The following SLC6A11 variants were observed in gnomAD, a reference collection of about 807,000 sequenced individuals.
The protein encoded by SLC6A11 is sodium- and chloride-dependent GABA transporter 3.
SLC6A11 carries 25 observed loss-of-function variants against 74.8 expected under a neutral mutation model. The ratio of observed to expected loss-of-function variants is 0.33; its 90% CI spans 0.24 to 0.47. SLC6A11 has a LOEUF of 0.47. Ranked by LOEUF, SLC6A11 falls within the 20% of genes least tolerant of loss-of-function variation. The pLI, the probability that SLC6A11 is intolerant of heterozygous loss-of-function variation, is 1.00. For synonymous variants in SLC6A11, 330 were observed against 330.2 expected, an observed-to-expected ratio of 1.00 and a Z score of 0.01; for missense variants, 574 against 837.0, an observed-to-expected ratio of 0.69 and a Z score of 3.88.
At chr3:10,917,375 C>T (rs746286714) in intron 7 of SLC6A11, among the ~76,000 whole-genome samples, 1 of 152,176 alleles carries the variant, frequency 6.6e-6, no homozygotes, top group Non-Finnish European at 1.5e-5. Context: ...AGAGGTCAGC[C>T]GGCCACCCGC....
chr3:10,826,215 A>G (rs998338984), intron 4 of SLC6A11, among the ~76,000 whole-genome samples: 10 of 152,226 alleles, frequency 6.6e-5, no homozygotes, highest in African/African-American at 2.4e-4. Context: ...AATGTGGTCT[A>G]CAGAGTAGCA....
chr3:10,892,888 C>T (rs1046932373), intron 6 of SLC6A11, among the ~76,000 whole-genome samples: 5 of 152,106 alleles, frequency 3.3e-5, no homozygotes, highest in South Asian at 2.1e-4. Context: ...GTGGGGGAAA[C>T]GGGTTGGGTG....
At chr3:10,902,972 G>A (rs1166674058) in intron 6 of SLC6A11, among the ~76,000 whole-genome samples, 3 of 150,910 alleles carry the variant, frequency 2.0e-5, no homozygotes, top group East Asian at 2.0e-4. Context: ...CCGTGTGGAC[G>A]AGGTGAGTTT....
At position 10,905,819 on chromosome 3, in the gene SLC6A11, C is replaced by T. The variant is rs573737601; in HGVS notation, c.892-6271C>T. 8.5e-5 allele frequency among the ~76,000 whole-genome samples: 13 copies of T among 152,324 alleles called. No homozygotes were observed. In the South Asian group the frequency reaches 2.3e-3, roughly 27 times the overall value. ...AAATCTAATCCTGTACATTCTCAGGCTCTGCTATGCCCAAATGAGCATGTG... is the reference window on the plus strand; with the variant it reads ...AAATCTAATCCTGTACATTCTCAGGTTCTGCTATGCCCAAATGAGCATGTG... On this transcript the variant is annotated intron_variant, in intron 6 of 13. Coordinates refer to ENST00000254488, the MANE Select transcript of SLC6A11 (RefSeq NM_014229.3).
rs756172006 is a variant in SLC6A11, at chr3:10,935,121, C to T, written c.1668C>T (p.Leu556=). ...YPAWGYGIGW[L]MALSSMLCIP... Reference sequence around the variant, plus strand: ...CCTGGGGCTATGGCATTGGCTGGCTCATGGCCCTGTCCTCCATGCTCTGCA... The same window carrying T: ...CCTGGGGCTATGGCATTGGCTGGCTTATGGCCCTGTCCTCCATGCTCTGCA... Residue 556 remains leucine, a synonymous_variant, in exon 13 of 14, where the codon CTC becomes CTT. Transcript: ENST00000254488. The T allele has an allele frequency of 6.2e-7, 1 of 1,614,194 alleles. No individual in the cohort carries two copies. The highest frequency in any genetic ancestry group is 1.7e-5 in the Admixed American group (1 of 60,030).
At chr3:10,840,899 A>G (rs773546097) in intron 4 of SLC6A11, among the ~76,000 whole-genome samples, 9 of 152,186 alleles carry the variant, frequency 5.9e-5, no homozygotes, top group African/African-American at 9.6e-5. Context: ...TCATACTTGA[A>G]AAGCCATTGA....
rs933598691 is a variant in SLC6A11 at position 10,918,507 on chromosome 3, T to C, written c.1120+54T>C. 1.9e-6 allele frequency: 3 copies of C among 1,558,458 alleles called. No individual in the cohort carries two copies. The highest frequency in any genetic ancestry group is 4.1e-5 in the Admixed American group (2 of 48,662). On this transcript the variant is annotated intron_variant, in intron 8 of 13. Coordinates refer to ENST00000254488, the MANE Select transcript of SLC6A11 (RefSeq NM_014229.3). The surrounding 1 kb of genome is among the most constrained non-coding windows in gnomAD (Gnocchi z 4.5). ...AGGCGGCAAGGGAGGCCAGGAGTGA[T>C]GGTCATCATGGAAATGCGATCTTCC...
At chr3:10,906,676 C>T (rs1181962605) in intron 6 of SLC6A11, among the ~76,000 whole-genome samples, 5 of 152,110 alleles carry the variant, frequency 3.3e-5, no homozygotes, top group African/African-American at 4.8e-5. Flanking sequence ...TACGCACTAA[C>T]CAGTTGAGGC....
chr3:10,893,742 C>T (rs1695136639), intron 6 of SLC6A11, among the ~76,000 whole-genome samples: 1 of 152,080 alleles, frequency 6.6e-6, no homozygotes, highest in African/African-American at 2.4e-5. Context: ...CTGCACATGC[C>T]CACCCCCTGG....
intron 4 of SLC6A11, among the ~76,000 whole-genome samples, chr3:10,831,976 C>T (rs376004052): frequency 1.3e-5 from 2 of 152,170 alleles, no homozygotes; most frequent in Admixed American, 6.5e-5. Flanking sequence ...AGTTTGCAGG[C>T]AGATGTTGAG....
intron 10 of SLC6A11, among the ~76,000 whole-genome samples, chr3:10,929,685 C>T (rs956372603): frequency 6.6e-6 from 1 of 152,210 alleles, no homozygotes; most frequent in African/African-American, 2.4e-5. Context: ...CAGCTACTGG[C>T]CCCTACAGCA....
chr3:10,915,816 G>A lies in SLC6A11; in HGVS notation c.996-2513G>A, dbSNP rs1467890256. Among the ~76,000 whole-genome samples, 1 of 152,184 alleles carries A rather than the reference G, an allele frequency of 6.6e-6. No homozygotes were observed. The highest frequency in any genetic ancestry group is 2.4e-5 in the African/African-American group (1 of 41,438). Reference sequence around the variant, plus strand: ...CTCAACAGACCTGTGCAGGAAGATGGGAATTTTTTAACAAGGGACAATTTG... The same window carrying A: ...CTCAACAGACCTGTGCAGGAAGATGAGAATTTTTTAACAAGGGACAATTTG... On this transcript the variant is annotated intron_variant, in intron 7 of 13. Transcript: ENST00000254488. The surrounding 1 kb of genome is among the most constrained non-coding windows in gnomAD (Gnocchi z 4.3).
At chr3:10,846,249 GT>G (rs1475114945) in intron 5 of SLC6A11, among the ~76,000 whole-genome samples, 1 of 152,190 alleles carries the variant, frequency 6.6e-6, no homozygotes, top group African/African-American at 2.4e-5. Context: ...CTAAAGATGA[GT>G]AAAACACAGC....
intron 6 of SLC6A11, among the ~76,000 whole-genome samples, chr3:10,897,478 G>A (rs962439285): frequency 2.0e-5 from 3 of 152,178 alleles, no homozygotes; most frequent in Non-Finnish European, 4.4e-5. Context: ...GAAAGGAATC[G>A]GCCAAAACAA....
chr3:10,873,476 TACC>T (rs1417724445), intron 5 of SLC6A11, among the ~76,000 whole-genome samples: 436 of 114,126 alleles, frequency 3.8e-3, no homozygotes, highest in South Asian at 0.018. Context: ...TACCCTACCC[TACC>T]ATACCCTACC....
intron 13 of SLC6A11, among the ~76,000 whole-genome samples, chr3:10,937,263 AT>A (rs1695770129): frequency 6.6e-6 from 1 of 152,186 alleles, no homozygotes; most frequent in South Asian, 2.1e-4. Context: ...CCCTTGTTAA[AT>A]TGTAGAGCCT....
intron 5 of SLC6A11, among the ~76,000 whole-genome samples, chr3:10,848,578 G>A (rs1034972326): frequency 1.3e-5 from 2 of 152,184 alleles, no homozygotes; most frequent in African/African-American, 4.8e-5. Context: ...ACTAACTGTT[G>A]CTTAATAGAC....
rs763821768 is a variant in SLC6A11 at position 10,844,251 on chromosome 3, A to G, written c.661A>G (p.Ile221Val). 5.0e-6 allele frequency: 8 copies of G among 1,614,094 alleles called. No individual in the cohort carries two copies. The highest frequency in any genetic ancestry group is 1.3e-5 in the African/African-American group (1 of 74,932). ...GGCCATCTCTGACGGGATCGAGCACATCGGGAACCTTCGCTGGGAGCTGGC... is the reference window on the plus strand; with the variant it reads ...GGCCATCTCTGACGGGATCGAGCACGTCGGGAACCTTCGCTGGGAGCTGGC... ...VLAISDGIEH[I>V]GNLRWELALC... The change falls in exon 5 of 14, where the codon ATC becomes GTC. Residue 221 changes from isoleucine to valine, a missense_variant. By Grantham distance (29) the Ile-to-Val change is conservative (BLOSUM62 3). This residue lies in a region of SLC6A11 where 215 missense variants were observed against 357.9 expected (regional missense o/e 0.60). Coordinates refer to ENST00000254488, the MANE Select transcript of SLC6A11 (RefSeq NM_014229.3).
chr3:10,938,387 G>A lies in SLC6A11; in HGVS notation c.1884G>A (p.Lys628=), dbSNP rs372068225. Residue 628 remains lysine (K), a synonymous_variant, in exon 14 of 14, where the codon AAG becomes AAA. Transcript: ENST00000254488. ...SDGTIAAITE[K]ETHF The stretch of plus-strand genomic sequence containing the variant: ...GGACCATCGCAGCCATCACAGAGAA[G>A]GAGACGCACTTCTGAGCGGCCACCA... 2 of 1,603,188 alleles carry A rather than the reference G, an allele frequency of 1.2e-6. No individual in the cohort carries two copies. Among genetic ancestry groups the A allele is most frequent in the African/African-American group, 2.7e-5 (2 of 74,752 alleles).
Sources: allele counts gnomAD v4.1 joint callset (sites outside exome capture counted in the v4.1 genomes callset), GRCh38; gene constraint gnomAD v4.1.1; regional missense constraint gnomAD v4.1.1; non-coding constraint Gnocchi (gnomAD v3.1); transcripts MANE v1.5; gene names NCBI Gene and HGNC (gene_info 2026-07-23, HGNC 2026-07-21).